Variants in LRMDA observed in about 807,000 individuals in gnomAD.
LRMDA encodes leucine-rich melanocyte differentiation-associated protein.
LRMDA carries 18 observed loss-of-function variants against 29.8 expected under a neutral mutation model. That is an observed-to-expected ratio of 0.60 (90% confidence interval 0.42 to 0.90). LRMDA has a LOEUF of 0.90. LRMDA is among the 40% of genes least tolerant of loss of function. The pLI is 0.00. For synonymous variants in LRMDA, 125 were observed against 109.4 expected (o/e 1.14, Z -0.89); for missense variants, 273 against 273.9 (o/e 1.00, Z 0.02).
At chr10:75,896,991 C>A (rs923449568) in intron 2 of LRMDA, among the ~76,000 whole-genome samples, 1 of 152,048 alleles carries the variant, frequency 6.6e-6, no homozygotes, top group Non-Finnish European at 1.5e-5. Context: ...TGCTACTGGG[C>A]AAAGTAATTT....
intron 5 of LRMDA, among the ~76,000 whole-genome samples, chr10:76,263,601 G>A (rs1049369201): frequency 6.6e-6 from 1 of 152,150 alleles, no homozygotes; most frequent in Non-Finnish European, 1.5e-5. Context: ...GTAAGCCCAG[G>A]CAGGGATGGG....
At chr10:75,645,536 G>A (rs1841508272) in intron 2 of LRMDA, among the ~76,000 whole-genome samples, 1 of 152,116 alleles carries the variant, frequency 6.6e-6, no homozygotes, top group Admixed American at 6.5e-5. Flanking sequence ...TGGTGGAGGT[G>A]CCAAGTGCTT....
intron 6 of LRMDA, among the ~76,000 whole-genome samples, chr10:76,505,358 C>A (rs982126196): frequency 6.6e-6 from 1 of 151,972 alleles, no homozygotes; most frequent in African/African-American, 2.4e-5. Flanking sequence ...GCCTGTCTAG[C>A]AAGATTGGAG....
chr10:76,544,641 T>G (rs568891234), intron 6 of LRMDA, among the ~76,000 whole-genome samples: 1 of 152,174 alleles, frequency 6.6e-6, no homozygotes, highest in African/African-American at 2.4e-5. Flanking sequence ...TTTCTACTAT[T>G]AATTCTTCCT....
At chr10:76,466,725 G>A (rs1456440617) in intron 6 of LRMDA, among the ~76,000 whole-genome samples, 2 of 152,146 alleles carry the variant, frequency 1.3e-5, no homozygotes, top group African/African-American at 4.8e-5. Flanking sequence ...CTGGGAGTTC[G>A]AGACTGCAGT....
chr10:75,858,044 G>T (rs1221508933), intron 2 of LRMDA, among the ~76,000 whole-genome samples: 1 of 152,202 alleles, frequency 6.6e-6, no homozygotes, highest in African/African-American at 2.4e-5. Context: ...CAAAGTCTAT[G>T]GAAGAAGGGT....
At chr10:76,064,490 G>T (rs1397668333) in intron 5 of LRMDA, among the ~76,000 whole-genome samples, 1 of 152,090 alleles carries the variant, frequency 6.6e-6, no homozygotes, top group Non-Finnish European at 1.5e-5. Flanking sequence ...CGTCTTCGCC[G>T]CTATTGTATT....
intron 2 of LRMDA, among the ~76,000 whole-genome samples, chr10:75,759,547 A>AGGCTTTCTTCTTGT (rs973242071): frequency 6.6e-6 from 1 of 152,220 alleles, no homozygotes; most frequent in African/African-American, 2.4e-5. Flanking sequence ...TTTGTCTTGT[A>AGGCTTTCTTCTTGT]AATGGCTTTC....
intron 5 of LRMDA, among the ~76,000 whole-genome samples, chr10:76,213,892 A>C (rs1017898364): frequency 6.6e-6 from 1 of 150,726 alleles, no homozygotes; most frequent in African/African-American, 2.5e-5. Flanking sequence ...TAAAATTTAG[A>C]GATACTCTTA....
chr10:76,040,433 A>G (rs967014638), intron 3 of LRMDA, among the ~76,000 whole-genome samples: 1 of 152,074 alleles, frequency 6.6e-6, no homozygotes, highest in African/African-American at 2.4e-5. Context: ...CTGCTCTGGT[A>G]TATCTGAAAG....
intron 2 of LRMDA, among the ~76,000 whole-genome samples, chr10:75,690,992 T>TACAC (rs1280785863): frequency 0.014 from 1,277 of 93,998 alleles, 33 homozygotes; most frequent in African/African-American, 0.031. Context: ...TATATATATA[T>TACAC]ATACACACAC....
chr10:75,900,782 C>A (rs1589246549), intron 2 of LRMDA, among the ~76,000 whole-genome samples: 1 of 152,120 alleles, frequency 6.6e-6, no homozygotes, highest in East Asian at 1.9e-4. Context: ...GCCCACCCCC[C>A]CACCTTTCTT....
At chr10:75,887,341 AAT>A (rs371533667) in intron 2 of LRMDA, among the ~76,000 whole-genome samples, 20 of 152,042 alleles carry the variant, frequency 1.3e-4, no homozygotes, top group African/African-American at 3.9e-4. Flanking sequence ...ATAGGATACA[AAT>A]ATATTGGTAC....
chr10:75,460,627 A>G (rs542590918), intron 2 of LRMDA, among the ~76,000 whole-genome samples: 78 of 152,312 alleles, frequency 5.1e-4, no homozygotes, highest in African/African-American at 1.6e-3. Context: ...GTTTAAAAAT[A>G]CAGAAAAACA....
chr10:76,031,691 G>A (rs1229751945), intron 2 of LRMDA, among the ~76,000 whole-genome samples: 1 of 152,152 alleles, frequency 6.6e-6, no homozygotes, highest in Non-Finnish European at 1.5e-5. Flanking sequence ...ACCCAGGTTA[G>A]GCCCTTTAGA....
chr10:76,160,955 G>C (rs1225044094), intron 5 of LRMDA, among the ~76,000 whole-genome samples: 2 of 152,132 alleles, frequency 1.3e-5, no homozygotes, highest in Non-Finnish European at 2.9e-5. Flanking sequence ...TTGAGAGTGT[G>C]GGGGCCTGAA....
chr10:75,575,544 G>A (rs1027225458), intron 2 of LRMDA, among the ~76,000 whole-genome samples: 1 of 152,224 alleles, frequency 6.6e-6, no homozygotes, highest in Non-Finnish European at 1.5e-5. Context: ...GTGCAAGTTT[G>A]AAACACAGAA....
chr10:76,154,371 A>G (rs970536939), intron 5 of LRMDA, among the ~76,000 whole-genome samples: 3 of 152,258 alleles, frequency 2.0e-5, no homozygotes, highest in African/African-American at 7.2e-5. Context: ...GATAAAAAAT[A>G]CAATATTCAG....
In LRMDA at chr10:75,476,968, C is replaced by T. The variant is rs190994742; in HGVS notation, c.131+38474C>T. Among the ~76,000 whole-genome samples the T allele has an allele frequency of 1.3e-3, 192 of 151,824 alleles. No individual in the cohort carries two copies. The Middle Eastern group carries it at 0.027, about 22-fold the overall frequency. ...GTGTGTCTATCTGTGTCCTGATCAC[C>T]TCCTCCTCCTCTTCTTTTCTCTCTC... is the stretch of plus-strand genomic sequence containing the variant. On this transcript the variant is annotated intron_variant, in intron 2 of 6. Coordinates refer to ENST00000611255, the MANE Select transcript of LRMDA (RefSeq NM_001305581.2).
Sources: allele counts gnomAD v4.1 joint callset (sites outside exome capture counted in the v4.1 genomes callset), GRCh38; gene constraint gnomAD v4.1.1; transcripts MANE v1.5; gene names NCBI Gene and HGNC (gene_info 2026-07-23, HGNC 2026-07-21).